The following WDR1 variants were observed in gnomAD, a reference collection of about 807,000 sequenced individuals.
WDR1 encodes the protein WD repeat domain 1.
In WDR1, 21 loss-of-function variants were observed where a neutral mutation model predicts 71.9. The ratio of observed to expected loss-of-function variants is 0.29; its 90% CI spans 0.21 to 0.42. The LOEUF (loss-of-function observed/expected upper bound fraction) is 0.42, where lower values mean the gene tolerates loss of function less well. Ranked by LOEUF, WDR1 falls within the 10% of genes least tolerant of loss-of-function variation. WDR1 has a pLI of 1.00. For missense variants in WDR1, 696 were observed against 824.5 expected, an observed-to-expected ratio of 0.84 and a Z score of 1.91; for synonymous variants, 424 against 347.4, an observed-to-expected ratio of 1.22 and a Z score of -2.45.
chr4:10,103,999 AC>A lies in WDR1; in HGVS notation c.139-14del. 6.3e-7 allele frequency: 1 copy of A among 1,585,232 alleles called. No homozygotes were observed. The highest frequency in any genetic ancestry group is 1.2e-5 in the South Asian group (1 of 86,464). ...CAAGGGCTGGGTTCTGCAGGAGGAG[AC>A]CCCGGAATGAACAGAAGGAATGGAG... On this transcript the variant is annotated splice_polypyrimidine_tract_variant and intron_variant, in intron 2 of 14. Transcript: ENST00000499869.
Position 10,077,786 on chromosome 4 carries a change from C to T in WDR1, c.1536G>A (p.Val512=), listed in dbSNP as rs777438952. ...CGTCAGCAACGCTGAACACTGTGAC[C>T]ACCTTGCTGGCGTCGCACACCGCGA... ...AFLAVCDASK[V]VTVFSVADGY... is the part of the protein sequence containing the mutation. The change falls in exon 13 of 15, where the codon GTG becomes GTA. Residue 512 remains valine, a synonymous_variant. Coordinates refer to ENST00000499869, the MANE Select transcript of WDR1 (RefSeq NM_017491.5). 43 of 1,601,894 alleles carry T rather than the reference C, an allele frequency of 2.7e-5. No homozygotes were observed. Among genetic ancestry groups the T allele is most frequent in the Admixed American group, 8.6e-5 (5 of 58,340 alleles).
intron 5 of WDR1, among the ~76,000 whole-genome samples, chr4:10,094,047 G>T (rs1228483600): frequency 6.6e-6 from 1 of 152,224 alleles, no homozygotes; most frequent in East Asian, 1.9e-4. Context: ...GCAGGGCAGA[G>T]GCAATGGAAC....
intron 3 of WDR1, among the ~76,000 whole-genome samples, chr4:10,103,545 A>G (rs1196760441): frequency 1.3e-5 from 2 of 152,200 alleles, no homozygotes; most frequent in Admixed American, 1.3e-4. Flanking sequence ...GGCCACAGAT[A>G]AAATACACTA....
At chr4:10,094,358 CAG>C (rs1380628580) in intron 5 of WDR1, among the ~76,000 whole-genome samples, 11 of 152,212 alleles carry the variant, frequency 7.2e-5, no homozygotes, top group Non-Finnish European at 2.9e-5. Flanking sequence ...AGCGGATGGC[CAG>C]AGAGGCAAAG....
chr4:10,081,873 AATC>A (rs1357059701), intron 10 of WDR1, among the ~76,000 whole-genome samples: 1 of 152,166 alleles, frequency 6.6e-6, no homozygotes, highest in Admixed American at 6.5e-5. Flanking sequence ...AATGGGTGAA[AATC>A]ATGTTATTTT....
At chr4:10,115,065 G>C (rs974704308) in intron 2 of WDR1, among the ~76,000 whole-genome samples, 3 of 152,224 alleles carry the variant, frequency 2.0e-5, no homozygotes, top group Non-Finnish European at 4.4e-5. Flanking sequence ...CCTACCAAGG[G>C]AAATCAGGCT....
At chr4:10,077,494 C>G in intron 13 of WDR1, 46 bp from the exon 14 acceptor site, 1 of 1,612,388 alleles carries the variant, frequency 6.2e-7, no homozygotes, top group Non-Finnish European at 8.5e-7. Context: ...CAGGTTCAGG[C>G]CGCAGTTGCC....
At chr4:10,114,957 C>G in intron 2 of WDR1, among the ~76,000 whole-genome samples, 1 of 152,204 alleles carries the variant, frequency 6.6e-6, no homozygotes, top group Non-Finnish European at 1.5e-5. Flanking sequence ...GAGGCTTCTC[C>G]TTTCACAGAG....
chr4:10,107,172 T>C (rs1227876417), intron 2 of WDR1, among the ~76,000 whole-genome samples: 1 of 152,124 alleles, frequency 6.6e-6, no homozygotes, highest in Non-Finnish European at 1.5e-5. Context: ...ATGAGCAGCC[T>C]TGGAGTTGCC....
intron 2 of WDR1, among the ~76,000 whole-genome samples, chr4:10,108,957 G>A (rs979524484): frequency 6.6e-6 from 1 of 152,228 alleles, no homozygotes; most frequent in African/African-American, 2.4e-5. Flanking sequence ...ACCAGAGTGG[G>A]GAAGGTTCAC....
chr4:10,079,088 C>A, intron 11 of WDR1, 87 bp from the exon 12 acceptor site: 4 of 1,103,588 alleles, frequency 3.6e-6, no homozygotes, highest in African/African-American at 3.2e-5. Flanking sequence ...CCTGTCGGGG[C>A]TCACTGGAGC....
chr4:10,084,422 G>T, intron 9 of WDR1, 21 bp downstream of exon 9: 2 of 1,610,778 alleles, frequency 1.2e-6, no homozygotes, highest in Non-Finnish European at 1.7e-6. Context: ...TCCGGAGCCA[G>T]CTCTTTGAGT....
chr4:10,116,596 A>G (rs1713755053), intron 1 of WDR1, 55 bp downstream of exon 1: 2 of 1,153,340 alleles, frequency 1.7e-6, no homozygotes, highest in Non-Finnish European at 1.1e-6. Context: ...GGGGCCGGGG[A>G]CCGGGGCCGG....
chr4:10,079,485 C>T (rs1269293594), intron 11 of WDR1, among the ~76,000 whole-genome samples: 1 of 152,226 alleles, frequency 6.6e-6, no homozygotes, highest in African/African-American at 2.4e-5. Context: ...GGCTCCAGTT[C>T]CCACAGGCTG....
In WDR1 at chr4:10,084,704, C is replaced by T. The variant is rs536384284; in HGVS notation, c.952-174G>A. Among the ~76,000 whole-genome samples, 8 of 152,294 alleles carry T rather than the reference C, an allele frequency of 5.3e-5. No homozygotes were observed. The South Asian group carries it at 6.2e-4, about 12-fold the overall frequency. On this transcript the variant is annotated intron_variant, in intron 8 of 14. Transcript: ENST00000499869. ...CCCAGCTGCCCGAATGCACGGCCCA[C>T]GAGCCCTAAGAAACCTTTCCAAAGC...
At chr4:10,083,709 T>G (rs1181658116) in intron 9 of WDR1, 2 of 457,868 alleles carry the variant, frequency 4.4e-6, no homozygotes, top group Non-Finnish European at 8.8e-6. Context: ...GCAACGTGTG[T>G]GGGCATCCCT....
At chr4:10,080,716 GGGTCTCAGGTGGCTTT>G (rs979867589) in intron 11 of WDR1, among the ~76,000 whole-genome samples, 2 of 152,232 alleles carry the variant, frequency 1.3e-5, no homozygotes, top group African/African-American at 4.8e-5. Context: ...GGTCAGGCTT[GGGTCTCAGGTGGCTTT>G]GGTCCAGATA....
chr4:10,104,658 G>A (rs557711584), intron 2 of WDR1, among the ~76,000 whole-genome samples: 8 of 152,214 alleles, frequency 5.3e-5, no homozygotes, highest in African/African-American at 1.4e-4. Context: ...AGATCCCTGC[G>A]CCTCCCTCCC....
At chr4:10,108,747 C>T (rs1713175415) in intron 2 of WDR1, among the ~76,000 whole-genome samples, 1 of 152,258 alleles carries the variant, frequency 6.6e-6, no homozygotes, top group African/African-American at 2.4e-5. Context: ...TGCGACAACA[C>T]AACGCCTTCT....
Sources: gnomAD v4.1 joint callset for allele counts (sites outside exome capture counted in the v4.1 genomes callset) on GRCh38, gnomAD v4.1.1 for gene constraint, MANE v1.5 for transcripts, NCBI Gene and HGNC (gene_info 2026-07-23, HGNC 2026-07-21) for gene names.